PPIP5K2: variants seen among roughly 807,000 people sequenced by gnomAD.
The protein encoded by PPIP5K2 is diphosphoinositol pentakisphosphate kinase 2, also known as inositol hexakisphosphate and diphosphoinositol-pentakisphosphate kinase 2.
In PPIP5K2, 105 loss-of-function variants were observed where a neutral mutation model predicts 154.6. That is an observed-to-expected ratio of 0.68 (90% confidence interval 0.58 to 0.80). PPIP5K2 has a LOEUF of 0.80. Among genes scored for constraint, PPIP5K2 ranks in the 30% least tolerant of loss-of-function variants. PPIP5K2 has a pLI of 0.00. For missense variants in PPIP5K2, 992 were observed against 1,504.6 expected, an observed-to-expected ratio of 0.66 and a Z score of 5.64; for synonymous variants, 480 against 490.3, an observed-to-expected ratio of 0.98 and a Z score of 0.28.
At position 103,205,104 on chromosome 5, in the gene PPIP5K2, G is replaced by A. The variant is rs540086517; in HGVS notation, c.*3470G>A. The A allele has an allele frequency of 2.6e-5, 4 of 152,046 alleles. No individual in the cohort carries two copies. Among genetic ancestry groups the A allele is most frequent in the African/African-American group, 4.8e-5 (2 of 41,326 alleles). The allele number at this position is 152,046 out of a possible 1,614,324, so 9.4% of individuals were successfully genotyped here. A position where few individuals can be genotyped will look rare whatever the true frequency, so the allele number is the denominator to read the frequency against. Reference sequence around the variant, plus strand: ...TTCCCTCTTATGAGTGAGAACATGCGGTGTTTGGTTTTCTGTCCTTGTGAT... The same window carrying A: ...TTCCCTCTTATGAGTGAGAACATGCAGTGTTTGGTTTTCTGTCCTTGTGAT... On this transcript the variant is annotated 3_prime_UTR_variant, in exon 31 of 31. Transcript: ENST00000358359.
rs1246655564 is a variant in PPIP5K2 at position 103,142,902 on chromosome 5, TAAG to T, written c.488-3620_488-3618del. 9.2e-5 allele frequency among the ~76,000 whole-genome samples: 14 copies of T among 152,256 alleles called. No homozygotes were observed. The East Asian group carries it at 9.7e-4, about 11-fold the overall frequency. On this transcript the variant is annotated intron_variant, in intron 5 of 30. Coordinates refer to ENST00000358359, the MANE Select transcript of PPIP5K2 (RefSeq NM_001276277.3). ...GTGTACAAACCTCTTATATATTTCA[TAAG>T]AAGACTAAAAGGCAAACCTGTCAGA...
At chr5:103,198,951 C>A (rs376116730) in intron 30 of PPIP5K2, among the ~76,000 whole-genome samples, 1 of 151,078 alleles carries the variant, frequency 6.6e-6, no homozygotes, top group African/African-American at 2.5e-5. Flanking sequence ...TATCTTTTTG[C>A]ATTTTTTTTT....
At chr5:103,150,843 C>T (rs984343005) in intron 8 of PPIP5K2, among the ~76,000 whole-genome samples, 4 of 68,104 alleles carry the variant, frequency 5.9e-5, no homozygotes, top group Admixed American at 1.9e-4. Context: ...GTCCATCCTC[C>T]TTTTTTTTTT....
At chr5:103,126,640 C>T (rs910552092) in intron 1 of PPIP5K2, among the ~76,000 whole-genome samples, 1 of 152,054 alleles carries the variant, frequency 6.6e-6, no homozygotes, top group Non-Finnish European at 1.5e-5. Flanking sequence ...CAATCCGAGT[C>T]CCAAAGCTGA....
rs782196910 is a variant in PPIP5K2, at chr5:103,154,872, A to G, written c.1332A>G (p.Leu444=). 9.3e-6 allele frequency: 15 copies of G among 1,605,606 alleles called. No homozygotes were observed. Among genetic ancestry groups the G allele is most frequent in the Non-Finnish European group, 1.3e-5 (15 of 1,176,538 alleles). ...TTGCACGACAGCTTCTTATGGAGCT[A>G]GGGCAAAATAATGATTCTGAAATTG... ...LDIARQLLME[L]GQNNDSEIEE... Residue 444 remains leucine, a synonymous_variant, in exon 13 of 31, where the codon CTA becomes CTG. Coordinates refer to ENST00000358359, the MANE Select transcript of PPIP5K2 (RefSeq NM_001276277.3).
intron 17 of PPIP5K2, among the ~76,000 whole-genome samples, chr5:103,163,438 G>A (rs1277191312): frequency 1.3e-5 from 2 of 151,642 alleles, no homozygotes; most frequent in African/African-American, 4.8e-5. Flanking sequence ...GAGATTATAG[G>A]CATCAACCTT....
Position 103,159,216 on chromosome 5 carries a change from G to A in PPIP5K2, c.1808G>A (p.Gly603Asp), listed in dbSNP as rs1554214809. ...ATGGTGAAAAGTGCAAATATGAACG[G>A]TCTTTTGGATAGTGATAGTGACTCT... Reference protein sequence around the residue: ...VQMVKSANMNGLLDSDSDSLS... With the variant: ...VQMVKSANMNDLLDSDSDSLS... Residue 603 changes from glycine (G) to aspartate (D), a missense_variant, in exon 17 of 31, where the codon GGT (glycine) becomes GAT (aspartate). Gly to Asp is a moderately conservative substitution (Grantham distance 94, BLOSUM62 -1). Around this residue, in one of 9 missense-constraint regions of PPIP5K2, gnomAD observed 22 missense variants for 95.5 expected, o/e 0.23. Coordinates refer to ENST00000358359, the MANE Select transcript of PPIP5K2 (RefSeq NM_001276277.3). The A allele has an allele frequency of 6.2e-7, 1 of 1,611,642 alleles. No individual in the cohort carries two copies. Among genetic ancestry groups the A allele is most frequent in the Admixed American group, 1.7e-5 (1 of 59,916 alleles).
At chr5:103,191,014 A>T in intron 29 of PPIP5K2, 32 bp downstream of exon 29, 1 of 1,593,608 alleles carries the variant, frequency 6.3e-7, no homozygotes, top group Non-Finnish European at 8.6e-7. Flanking sequence ...GTTATTATTT[A>T]GTTGCTGGGC....
chr5:103,140,497 G>A (rs1554206066), intron 5 of PPIP5K2, among the ~76,000 whole-genome samples: 1 of 152,176 alleles, frequency 6.6e-6, no homozygotes, highest in African/African-American at 2.4e-5. Flanking sequence ...AGAGTGTGAT[G>A]GCATTCAAAG....
chr5:103,168,104 C>T lies in PPIP5K2; in HGVS notation c.2095C>T (p.Leu699Phe), dbSNP rs782398083. Reference sequence around the variant, plus strand: ...GCTTTACCATAGTGAAACATTGGAGCTTATGCTACGTAGATGGTCCAAGTT... The same window carrying T: ...GCTTTACCATAGTGAAACATTGGAGTTTATGCTACGTAGATGGTCCAAGTT... ...IQLYHSETLE[L>F]MLRRWSKLEK... The change falls in exon 19 of 31, where the codon CTT becomes TTT. Residue 699 changes from leucine to phenylalanine, a missense_variant. This residue lies in a region of PPIP5K2 where 157 missense variants were observed against 281.2 expected (regional missense o/e 0.56). Coordinates refer to ENST00000358359, the MANE Select transcript of PPIP5K2 (RefSeq NM_001276277.3). 1.2e-6 allele frequency: 2 copies of T among 1,608,724 alleles called. No individual in the cohort carries two copies. Among genetic ancestry groups the T allele is most frequent in the Non-Finnish European group, 1.7e-6 (2 of 1,176,680 alleles).
At chr5:103,185,259 G>C (rs1340608003) in intron 26 of PPIP5K2, among the ~76,000 whole-genome samples, 3 of 152,108 alleles carry the variant, frequency 2.0e-5, no homozygotes, top group African/African-American at 7.2e-5. Context: ...TTGGTTCTTT[G>C]CTAACACTCA....
At chr5:103,150,265 T>G (rs1158560116) in intron 8 of PPIP5K2, among the ~76,000 whole-genome samples, 3 of 152,222 alleles carry the variant, frequency 2.0e-5, no homozygotes, top group African/African-American at 7.2e-5. Context: ...TAAGTTTTAA[T>G]AGCTTTATAG....
intron 19 of PPIP5K2, among the ~76,000 whole-genome samples, chr5:103,171,850 T>C (rs1297804475): frequency 2.6e-5 from 4 of 151,638 alleles, no homozygotes; most frequent in Non-Finnish European, 5.9e-5. Flanking sequence ...CCTAATTTTT[T>C]CCTTCATTTA....
rs1554230288 is a variant in PPIP5K2 at position 103,201,508 on chromosome 5, TTTG to T, written c.3620-11_3620-9del. On this transcript the variant is annotated splice_polypyrimidine_tract_variant and intron_variant, in intron 30 of 30. Transcript: ENST00000358359. ...TAAGCAATAGTTTTTTTTTTTTGTT[TTTG>T]TTTTATGTAGCTACAAGTGGACCTT... 6.7e-7 allele frequency: 1 copy of T among 1,497,338 alleles called. No individual in the cohort carries two copies. The allele number at this position is 1,497,338 out of a possible 1,614,324, so 92.8% of individuals were successfully genotyped here. A position where few individuals can be genotyped will look rare whatever the true frequency, so the allele number is the denominator to read the frequency against.
chr5:103,195,576 G>A (rs1257220371), intron 30 of PPIP5K2, among the ~76,000 whole-genome samples: 1 of 151,910 alleles, frequency 6.6e-6, no homozygotes, highest in Non-Finnish European at 1.5e-5. Flanking sequence ...TAATTATGTG[G>A]CACATTTAAT....
chr5:103,123,883 A>G (rs115959989), intron 1 of PPIP5K2, among the ~76,000 whole-genome samples: 152 of 152,370 alleles, frequency 1.0e-3, no homozygotes, highest in African/African-American at 3.5e-3. Context: ...GCTAAATAAT[A>G]TGGAAGTGCT....
chr5:103,167,036 C>G (rs982524978), intron 17 of PPIP5K2, 143 bp from the exon 18 acceptor site: 1 of 565,322 alleles, frequency 1.8e-6, no homozygotes, highest in Non-Finnish European at 2.9e-6. Context: ...CTGTGGTGTT[C>G]AAGGGTCAAC....
At chr5:103,139,926 A>G (rs1554205844) in intron 5 of PPIP5K2, among the ~76,000 whole-genome samples, 1 of 152,230 alleles carries the variant, frequency 6.6e-6, no homozygotes. Context: ...AAGTGGATCA[A>G]GTAGAAGAAT....
intron 5 of PPIP5K2, 44 bp downstream of exon 5, chr5:103,138,513 A>T: frequency 7.8e-7 from 1 of 1,289,258 alleles, no homozygotes; most frequent in Non-Finnish European, 1.1e-6. Flanking sequence ...GCCACTTGAC[A>T]TACTTTTGGG....
Sources: allele counts gnomAD v4.1 joint callset (sites outside exome capture counted in the v4.1 genomes callset), GRCh38; gene constraint gnomAD v4.1.1; regional missense constraint gnomAD v4.1.1; transcripts MANE v1.5; gene names NCBI Gene and HGNC (gene_info 2026-07-23, HGNC 2026-07-21).